Variants in EXTL3 observed in about 807,000 individuals in gnomAD.
The protein encoded by EXTL3 is exostosin like glycosyltransferase 3, also known as exostosin-like 3.
Under a neutral mutation model 69.3 loss-of-function variants are expected in EXTL3, and 27 were observed. That is an observed-to-expected ratio of 0.39 (90% CI 0.29 to 0.54). The LOEUF (loss-of-function observed/expected upper bound fraction) is 0.54, where lower values mean the gene tolerates loss of function less well. Ranked by LOEUF, EXTL3 falls within the 20% of genes least tolerant of loss-of-function variation. The pLI is 0.69. For missense variants in EXTL3, 1,003 were observed against 1,231.8 expected, an observed-to-expected ratio of 0.81 and a Z score of 2.78; for synonymous variants, 511 against 499.4, an observed-to-expected ratio of 1.02 and a Z score of -0.31.
intron 4 of EXTL3, among the ~76,000 whole-genome samples, chr8:28,732,223 A>C (rs1050389286): frequency 6.6e-5 from 10 of 152,204 alleles, no homozygotes; most frequent in Non-Finnish European, 1.5e-4. Context: ...AGGCTACTCC[A>C]GGTATCTCAG....
intron 3 of EXTL3, among the ~76,000 whole-genome samples, chr8:28,722,121 G>A (rs1801303089): frequency 6.6e-6 from 1 of 152,198 alleles, no homozygotes; most frequent in Non-Finnish European, 1.5e-5. Flanking sequence ...TGTAAATTCT[G>A]GAGGGATGTA....
At chr8:28,661,473 C>T (rs1462511932) in intron 1 of EXTL3, among the ~76,000 whole-genome samples, 1 of 151,730 alleles carries the variant, frequency 6.6e-6, no homozygotes, top group African/African-American at 2.4e-5. Flanking sequence ...TATCTAAATA[C>T]ACATACCTAA....
At chr8:28,630,513 A>C (rs1224229561) in intron 1 of EXTL3, among the ~76,000 whole-genome samples, 1 of 152,234 alleles carries the variant, frequency 6.6e-6, no homozygotes, top group East Asian at 1.9e-4. Context: ...GTAGTTTAGT[A>C]AAACAATGGC....
At chr8:28,670,320 T>A (rs1412787630) in intron 1 of EXTL3, among the ~76,000 whole-genome samples, 2 of 152,072 alleles carry the variant, frequency 1.3e-5, no homozygotes, top group South Asian at 2.1e-4. Context: ...TAGAAGGAAT[T>A]TTTGGTCCAG....
chr8:28,678,528 A>G (rs945440214), intron 1 of EXTL3, among the ~76,000 whole-genome samples: 2 of 152,148 alleles, frequency 1.3e-5, no homozygotes, highest in African/African-American at 2.4e-5. Context: ...TTCTCTCTCC[A>G]TGTGATCTCT....
chr8:28,613,293 C>T (rs1329714283), intron 2 of EXTL3, among the ~76,000 whole-genome samples: 5 of 152,248 alleles, frequency 3.3e-5, no homozygotes, highest in African/African-American at 9.6e-5. Context: ...AAATGATTCT[C>T]CTGCCTCGGC....
At chr8:28,698,989 G>A (rs189413915), upstream of EXTL3, among the ~76,000 whole-genome samples, 2,456 of 151,030 alleles carry the variant, frequency 0.016, 70 homozygotes, top group African/African-American at 0.058. Flanking sequence ...GTGAGACTCC[G>A]TCTCAAAACA....
chr8:28,635,392 TAAA>T (rs372980960), intron 1 of EXTL3, among the ~76,000 whole-genome samples: 21 of 114,424 alleles, frequency 1.8e-4, no homozygotes, highest in African/African-American at 5.7e-4. Context: ...ACTGGTCTCT[TAAA>T]AAAAAAAAAA....
In EXTL3 at chr8:28,715,741, T is replaced by G; in HGVS notation, c.-319T>G. The G allele has an allele frequency of 2.7e-6, 1 of 372,202 alleles. No individual in the cohort carries two copies. Among genetic ancestry groups the G allele is most frequent in the East Asian group, 5.0e-5 (1 of 19,880 alleles). The allele number at this position is 372,202 out of a possible 1,614,324, so 23.1% of individuals were successfully genotyped here. A position where few individuals can be genotyped will look rare whatever the true frequency, so the allele number is the denominator to read the frequency against. ...TGAAAAAGTCTGTCTGATTCCAGGG[T>G]GTTTTTCCTGGGTTTCATCATCAGG... On this transcript the variant is annotated 5_prime_UTR_variant, in exon 3 of 7. Transcript: ENST00000220562.
chr8:28,728,849 A>G (rs929882041), intron 3 of EXTL3, among the ~76,000 whole-genome samples: 2 of 152,092 alleles, frequency 1.3e-5, no homozygotes, highest in Non-Finnish European at 2.9e-5. Flanking sequence ...CTATGATAGC[A>G]CCATTGCACT....
chr8:28,661,212 G>A (rs983094926), intron 1 of EXTL3, among the ~76,000 whole-genome samples: 2 of 151,696 alleles, frequency 1.3e-5, no homozygotes, highest in Admixed American at 1.3e-4. Context: ...TGTTTCTATT[G>A]TTTACATACA....
chr8:28,658,611 C>T (rs1052590407), intron 1 of EXTL3, among the ~76,000 whole-genome samples: 11 of 151,818 alleles, frequency 7.2e-5, no homozygotes, highest in African/African-American at 2.4e-4. Flanking sequence ...TTTTTGAGCT[C>T]GCTCTGTCGC....
rs867198260 is a variant in EXTL3 at position 28,726,801 on chromosome 8, A to G, written c.2149-4422A>G. On this transcript the variant is annotated intron_variant, in intron 3 of 6. Transcript: ENST00000220562. Reference sequence around the variant, plus strand: ...TTCTTAAAGCTGACTTACTGACTGCAGTTAGTTTTGTCAGCTAACTGACAA... The same window carrying G: ...TTCTTAAAGCTGACTTACTGACTGCGGTTAGTTTTGTCAGCTAACTGACAA... 2.5e-4 allele frequency among the ~76,000 whole-genome samples: 38 copies of G among 151,586 alleles called. 1 individual carries two copies. In the Middle Eastern group the frequency reaches 0.031, roughly 123 times the overall value.
At chr8:28,619,491 C>G (rs189193748), upstream of EXTL3, among the ~76,000 whole-genome samples, 91 of 152,102 alleles carry the variant, frequency 6.0e-4, no homozygotes, top group Non-Finnish European at 9.4e-4. Context: ...CCATTCCCCA[C>G]CCCTGCTGCT....
Position 28,668,617 on chromosome 8 carries a change from G to A in EXTL3, c.-52-44840G>A, listed in dbSNP as rs2053245. The stretch of plus-strand genomic sequence containing the variant: ...TTCCCAAAATGCTGAGATTACAGGC[G>A]TGAGCCACTGTGCCTAGCCCAGAGT... On this transcript the variant is annotated intron_variant, in intron 1 of 6. Coordinates refer to the EXTL3 transcript ENST00000523149. Among the ~76,000 whole-genome samples, 862 of 152,028 alleles carry A rather than the reference G, an allele frequency of 5.7e-3. 21 individuals are homozygous for A. Among genetic ancestry groups the A allele is most frequent in the Admixed American group, 0.038 (585 of 15,270 alleles).
intron 1 of EXTL3, among the ~76,000 whole-genome samples, chr8:28,673,750 T>C (rs906517885): frequency 2.6e-5 from 4 of 152,320 alleles, no homozygotes; most frequent in East Asian, 1.9e-4. Context: ...TCTGGAGATA[T>C]CTCTATGTCT....
chr8:28,632,554 CTTTTTTTTT>C (rs1172375819), intron 1 of EXTL3, among the ~76,000 whole-genome samples: 137 of 126,596 alleles, frequency 1.1e-3, no homozygotes, highest in African/African-American at 4.0e-3. Flanking sequence ...CTCATTTATT[CTTTTTTTTT>C]TTTTTTTTTG....
At chr8:28,640,494 T>C (rs1340467531) in intron 1 of EXTL3, among the ~76,000 whole-genome samples, 1 of 152,244 alleles carries the variant, frequency 6.6e-6, no homozygotes, top group African/African-American at 2.4e-5. Context: ...ACCACAGAGC[T>C]ATTTATGGTT....
At chr8:28,667,614 C>T (rs1012037795) in intron 1 of EXTL3, among the ~76,000 whole-genome samples, 1 of 151,356 alleles carries the variant, frequency 6.6e-6, no homozygotes, top group African/African-American at 2.4e-5. Context: ...TGTTTAAGCC[C>T]AGGCTTTGGA....
Sources: gnomAD v4.1 joint callset for allele counts (sites outside exome capture counted in the v4.1 genomes callset) on GRCh38, gnomAD v4.1.1 for gene constraint, MANE v1.5 for transcripts, NCBI Gene and HGNC (gene_info 2026-07-23, HGNC 2026-07-21) for gene names.